The following SLC8A3 variants were observed in gnomAD, a reference collection of about 807,000 sequenced individuals.
The protein encoded by SLC8A3 is solute carrier family 8 member A3.
Under a neutral mutation model 65.4 loss-of-function variants are expected in SLC8A3, and 37 were observed. That is an observed-to-expected ratio of 0.57 (90% CI 0.44 to 0.74). The LOEUF is 0.74. Ranked by LOEUF, SLC8A3 falls within the 30% of genes least tolerant of loss-of-function variation. The pLI is 0.00. For synonymous variants in SLC8A3, 461 were observed against 444.5 expected, an observed-to-expected ratio of 1.04 and a Z score of -0.47; for missense variants, 1,112 against 1,172.1, an observed-to-expected ratio of 0.95 and a Z score of 0.75.
chr14:70,103,285 G>A (rs1307274202), intron 2 of SLC8A3, among the ~76,000 whole-genome samples: 1 of 152,052 alleles, frequency 6.6e-6, no homozygotes, highest in Non-Finnish European at 1.5e-5. Flanking sequence ...GCACTGAAAT[G>A]CTAATGGAAA....
intron 2 of SLC8A3, among the ~76,000 whole-genome samples, chr14:70,079,329 A>AG (rs1890829160): frequency 9.1e-6 from 1 of 110,284 alleles, no homozygotes; most frequent in Non-Finnish European, 1.9e-5. Context: ...ACTAAAAAAT[A>AG]CAAAAAAAAA....
At chr14:70,107,898 C>T (rs1892984352) in intron 2 of SLC8A3, among the ~76,000 whole-genome samples, 1 of 152,086 alleles carries the variant, frequency 6.6e-6, no homozygotes, top group African/African-American at 2.4e-5. Context: ...CTCCTTTCAT[C>T]ATTCAGGTCA....
chr14:70,169,517 G>C (rs956401399), intron 1 of SLC8A3, among the ~76,000 whole-genome samples: 9 of 152,142 alleles, frequency 5.9e-5, no homozygotes, highest in Non-Finnish European at 1.2e-4. Context: ...ACAAGATTTT[G>C]GGGGTGATAT....
At chr14:70,177,915 T>A (rs775230279) in intron 1 of SLC8A3, among the ~76,000 whole-genome samples, 5 of 152,000 alleles carry the variant, frequency 3.3e-5, no homozygotes, top group Admixed American at 6.6e-5. Flanking sequence ...CAGTCCAGAC[T>A]CTCCCAGGAC....
intron 1 of SLC8A3, among the ~76,000 whole-genome samples, chr14:70,176,196 C>T (rs143556192): frequency 6.6e-6 from 1 of 152,314 alleles, no homozygotes; most frequent in East Asian, 1.9e-4. Flanking sequence ...TGGGGAGTTA[C>T]AAACACTGAG....
intron 1 of SLC8A3, among the ~76,000 whole-genome samples, chr14:70,175,659 G>C (rs1395662990): frequency 6.6e-6 from 1 of 151,180 alleles, no homozygotes; most frequent in African/African-American, 2.4e-5. Flanking sequence ...GGGCTTATCT[G>C]TTTACCTATC....
Position 70,167,118 on chromosome 14 carries a change from T to C in SLC8A3, c.1305A>G (p.Thr435=), listed in dbSNP as rs1218464611. 1 of 1,614,196 alleles carries C rather than the reference T, an allele frequency of 6.2e-7. No homozygotes were observed. The highest frequency in any genetic ancestry group is 8.5e-7 in the Non-Finnish European group (1 of 1,180,016). Residue 435 remains threonine (T), a synonymous_variant, in exon 2 of 7, where the codon ACA becomes ACG. Coordinates refer to ENST00000356921, the MANE Select transcript of SLC8A3 (RefSeq NM_182932.3). ...CCCCTGCATTGGCAGAACCATCCTCTGTTTTGTAGTCCACATACATGGTCT... is the reference window on the plus strand; with the variant it reads ...CCCCTGCATTGGCAGAACCATCCTCCGTTTTGTAGTCCACATACATGGTCT... ...MSKTMYVDYK[T]EDGSANAGAD...
intron 2 of SLC8A3, among the ~76,000 whole-genome samples, chr14:70,123,889 T>G (rs1279246520): frequency 6.6e-6 from 1 of 152,238 alleles, no homozygotes; most frequent in African/African-American, 2.4e-5. Context: ...AATTATCTTT[T>G]CTACAGAGAA....
chr14:70,168,050 T>C lies in SLC8A3; in HGVS notation c.373A>G (p.Thr125Ala). Reference sequence around the variant, plus strand: ...ACAGTTTCATTCCAGACCCGAATAGTGGTTGTGCTGGTTTCTCCATTGGGT... The same window carrying C: ...ACAGTTTCATTCCAGACCCGAATAGCGGTTGTGCTGGTTTCTCCATTGGGT... ...KKPNGETSTT[T>A]IRVWNETVSN... Residue 125 changes from threonine (T) to alanine (A), a missense_variant, in exon 2 of 7, where the codon ACT becomes GCT. Coordinates refer to ENST00000356921, the MANE Select transcript of SLC8A3 (RefSeq NM_182932.3). 2.5e-6 allele frequency: 4 copies of C among 1,614,070 alleles called. No homozygotes were observed. Among genetic ancestry groups the C allele is most frequent in the South Asian group, 2.2e-5 (2 of 91,068 alleles).
At chr14:70,126,715 G>A (rs1894482066) in intron 2 of SLC8A3, among the ~76,000 whole-genome samples, 1 of 151,782 alleles carries the variant, frequency 6.6e-6, no homozygotes, top group Admixed American at 6.6e-5. Context: ...ACCTTAGCAT[G>A]CTGATATCAT....
chr14:70,045,828 G>GCTTA lies in SLC8A3; in HGVS notation c.*115_*118dup, dbSNP rs1886693885. ...GCCTAAGTTGGGTGAAGTTCCTGGG[G>GCTTA]CTTAGGTCCTGATGCTGCCTCTCCA... On this transcript the variant is annotated 3_prime_UTR_variant, in exon 7 of 7. Coordinates refer to ENST00000356921, the MANE Select transcript of SLC8A3 (RefSeq NM_182932.3). The GCTTA allele has an allele frequency of 3.9e-6, 4 of 1,029,118 alleles. No homozygotes were observed. In the Admixed American group the frequency reaches 1.2e-4, roughly 30 times the overall value. The allele number at this position is 1,029,118 out of a possible 1,614,324, so 63.7% of individuals were successfully genotyped here.
intron 2 of SLC8A3, among the ~76,000 whole-genome samples, chr14:70,113,315 G>A (rs1893437620): frequency 6.6e-6 from 1 of 152,152 alleles, no homozygotes; most frequent in South Asian, 2.1e-4. Flanking sequence ...GGAAACTGTA[G>A]GCAATTGGAA....
intron 2 of SLC8A3, among the ~76,000 whole-genome samples, chr14:70,160,510 A>G (rs1209357623): frequency 6.6e-6 from 1 of 152,188 alleles, no homozygotes; most frequent in East Asian, 1.9e-4. Flanking sequence ...TATACCAGGT[A>G]CTTGAGCATC....
At chr14:70,057,929 G>A (rs544309870) in intron 3 of SLC8A3, among the ~76,000 whole-genome samples, 3 of 152,198 alleles carry the variant, frequency 2.0e-5, no homozygotes, top group Non-Finnish European at 4.4e-5. Flanking sequence ...TCTATCCGAA[G>A]GCTTCCAATG....
intron 1 of SLC8A3, among the ~76,000 whole-genome samples, chr14:70,183,657 T>G (rs4902785): frequency 0.86 from 130,511 of 152,256 alleles, 56,024 homozygotes; most frequent in Admixed American, 0.88. Flanking sequence ...GAAAATTAGT[T>G]AAACTTTTTC....
At chr14:70,094,043 G>T (rs1891986192) in intron 2 of SLC8A3, among the ~76,000 whole-genome samples, 1 of 152,220 alleles carries the variant, frequency 6.6e-6, no homozygotes. Context: ...GCATGGAAAA[G>T]TGGCCAGGGG....
intron 2 of SLC8A3, among the ~76,000 whole-genome samples, chr14:70,148,506 G>T (rs1896071043): frequency 2.0e-5 from 3 of 152,148 alleles, no homozygotes; most frequent in Non-Finnish European, 4.4e-5. Context: ...CACAAAGGAA[G>T]TCTCTTCAGC....
rs1039983495 is a variant in SLC8A3, at chr14:70,087,949, T to C, written c.1785-27010A>G. 2.6e-5 allele frequency among the ~76,000 whole-genome samples: 4 copies of C among 152,054 alleles called. No homozygotes were observed. The South Asian group carries it at 8.3e-4, about 32-fold the overall frequency. On this transcript the variant is annotated intron_variant, in intron 2 of 6. Coordinates refer to ENST00000356921, the MANE Select transcript of SLC8A3 (RefSeq NM_182932.3). ...GTCCACCAAGAGATTGAAATATATG[T>C]GTACAATAGGTAATATTTCATAATT...
intron 1 of SLC8A3, among the ~76,000 whole-genome samples, chr14:70,169,999 T>C (rs754809272): frequency 2.0e-5 from 3 of 152,166 alleles, no homozygotes; most frequent in Non-Finnish European, 4.4e-5. Flanking sequence ...CATCACTCCT[T>C]ACCTCATGAA....
Sources: allele counts gnomAD v4.1 joint callset (sites outside exome capture counted in the v4.1 genomes callset), GRCh38; gene constraint gnomAD v4.1.1; transcripts MANE v1.5; gene names NCBI Gene and HGNC (gene_info 2026-07-23, HGNC 2026-07-21).